The following PITPNM1 variants were observed in gnomAD, a reference collection of about 807,000 sequenced individuals.
PITPNM1 encodes the protein membrane-associated phosphatidylinositol transfer protein 1.
Under a neutral mutation model 133.3 loss-of-function variants are expected in PITPNM1, and 74 were observed. That is an observed-to-expected ratio of 0.56 (90% CI 0.46 to 0.67). PITPNM1 has a LOEUF of 0.67. Among genes scored for constraint, PITPNM1 ranks in the 30% least tolerant of loss-of-function variants. The pLI is 0.00. For missense variants in PITPNM1, 1,398 were observed against 1,739.5 expected (o/e 0.80, Z 3.49); for synonymous variants, 738 against 741.4 (o/e 1.00, Z 0.08).
Position 67,492,986 on chromosome 11 carries a change from C to T in PITPNM1, c.3419G>A (p.Ser1140Asn), listed in dbSNP as rs775339865. 1 of 1,613,018 alleles carries T rather than the reference C, an allele frequency of 6.2e-7. No homozygotes were observed. Among genetic ancestry groups the T allele is most frequent in the African/African-American group, 1.3e-5 (1 of 75,072 alleles). ...GGCACGGCCCACGATGTAGGTCTGG[C>T]TCGGGGACAGCCCCAGCGCCGCGTA... ...AVYAALGLSP[S>N]QTYIVGRAVR... Residue 1140 changes from serine to asparagine, a missense_variant, in exon 23 of 24, where the codon AGC (serine) becomes AAC (asparagine). By Grantham distance (46) the Ser-to-Asn change is conservative (BLOSUM62 1). This residue lies in a region of PITPNM1 where 233 missense variants were observed against 378.0 expected (regional missense o/e 0.62). Coordinates refer to ENST00000356404, the MANE Select transcript of PITPNM1 (RefSeq NM_004910.3).
At chr11:67,493,356 G>A in intron 22 of PITPNM1, 54 bp downstream of exon 22, 1 of 1,477,830 alleles carries the variant, frequency 6.8e-7, no homozygotes, top group Non-Finnish European at 9.1e-7. Flanking sequence ...GGGGTGGAGG[G>A]TAAGGGGGAG....
Position 67,493,999 on chromosome 11 carries a change from G to GA in PITPNM1, c.2930_2931insT (p.Ser978LeufsTer242), listed in dbSNP as rs1565188012. ...GAACTGGGAAGGTGAGGCGGCCCGA[G>GA]CTATTGGTGACTTCGGTGCCAAAGT... is the stretch of plus-strand genomic sequence containing the variant. On this transcript the variant is annotated frameshift_variant, in exon 20 of 24. Coordinates refer to ENST00000356404, the MANE Select transcript of PITPNM1 (RefSeq NM_004910.3). LOFTEE classifies it high-confidence loss of function. 1 of 1,612,194 alleles carries GA rather than the reference G, an allele frequency of 6.2e-7. No individual in the cohort carries two copies.
intron 18 of PITPNM1, 21 bp downstream of exon 18, chr11:67,494,825 G>GA: frequency 2.0e-6 from 3 of 1,537,596 alleles, no homozygotes; most frequent in South Asian, 2.2e-5. Context: ...TGGGCGAGGG[G>GA]GCGAGGGGCA....
intron 2 of PITPNM1, among the ~76,000 whole-genome samples, chr11:67,503,611 G>A (rs554256765): frequency 2.0e-5 from 3 of 152,170 alleles, no homozygotes; most frequent in Non-Finnish European, 2.9e-5. Context: ...CCCAGGCCCC[G>A]CACCAACCCG....
Position 67,497,651 on chromosome 11 carries a change from C to T in PITPNM1, c.1811G>A (p.Gly604Asp). ...ATCTGCCAGGGGGTCCCGCACTGGG[C>T]CAAACTCCGGAGAGAGCAGCTCATT... ...MNNELLSPEFGPVRDPLADGV... is the reference protein window; with the variant it reads ...MNNELLSPEFDPVRDPLADGV... The change falls in exon 13 of 24, where the codon GGC becomes GAC. Residue 604 changes from glycine to aspartate, a missense_variant. Physicochemically the swap from Gly to Asp is moderately conservative, Grantham distance 94. Transcript: ENST00000356404. The T allele has an allele frequency of 6.2e-7, 1 of 1,611,058 alleles. No individual in the cohort carries two copies. Among genetic ancestry groups the T allele is most frequent in the Non-Finnish European group, 8.5e-7 (1 of 1,179,386 alleles).
chr11:67,503,834 C>T (rs899405728), intron 2 of PITPNM1: 6 of 360,284 alleles, frequency 1.7e-5, no homozygotes, highest in African/African-American at 8.5e-5. Context: ...TCATTCTTGC[C>T]GCCTCCTGGG....
Position 67,504,043 on chromosome 11 carries a change from G to T in PITPNM1, c.78+60C>A. ...CAGCCGGTCCCAGCCCCGGGGCAGG[G>T]CTGGCGGGGTCGGCAGGGCTCCACC... On this transcript the variant is annotated intron_variant, in intron 2 of 23. Coordinates refer to ENST00000356404, the MANE Select transcript of PITPNM1 (RefSeq NM_004910.3). The surrounding 1 kb of genome is among the most constrained non-coding windows in gnomAD (Gnocchi z 5.4). 1 of 1,362,588 alleles carries T rather than the reference G, an allele frequency of 7.3e-7. No individual in the cohort carries two copies. The highest frequency in any genetic ancestry group is 1.0e-6 in the Non-Finnish European group (1 of 993,220). The allele number at this position is 1,362,588 out of a possible 1,614,324, so 84.4% of individuals were successfully genotyped here.
chr11:67,492,858 C>T (rs946161681), intron 23 of PITPNM1, 76 bp downstream of exon 23: 49 of 1,526,624 alleles, frequency 3.2e-5, no homozygotes, highest in Admixed American at 5.8e-5. Flanking sequence ...CCCCAGAGTC[C>T]GTGGTTCCCA....
intron 18 of PITPNM1, among the ~76,000 whole-genome samples, 171 bp from the exon 19 acceptor site, chr11:67,494,531 G>A (rs968487284): frequency 3.3e-5 from 5 of 152,158 alleles, no homozygotes; most frequent in Non-Finnish European, 5.9e-5. Context: ...CCCGGCCTGA[G>A]AGCCTGTGTG....
rs1325682749 is a variant in PITPNM1, at chr11:67,504,014, C to T, written c.78+89G>A. 9.9e-7 allele frequency: 1 copy of T among 1,007,640 alleles called. No homozygotes were observed. Among genetic ancestry groups the T allele is most frequent in the Non-Finnish European group, 1.4e-6 (1 of 693,100 alleles). 62.4% of individuals were successfully genotyped at this position (1,007,640 alleles called of 1,614,324 possible). On this transcript the variant is annotated intron_variant, in intron 2 of 23. Transcript: ENST00000356404. The surrounding 1 kb of genome is among the most constrained non-coding windows in gnomAD (Gnocchi z 5.4). ...GGGGGCCTCTCTTGCCTCCTCCGGGCTCCCAGCCGGTCCCAGCCCCGGGGC... is the reference window on the plus strand; with the variant it reads ...GGGGGCCTCTCTTGCCTCCTCCGGGTTCCCAGCCGGTCCCAGCCCCGGGGC...
chr11:67,493,275 G>A (rs7104627), intron 22 of PITPNM1, 135 bp downstream of exon 22: 1,097,314 of 1,109,356 alleles, frequency 0.99, 543,457 homozygotes, highest in East Asian at 1. Context: ...GAGCAGGACC[G>A]TAGCGGGCCG....
intron 5 of PITPNM1, among the ~76,000 whole-genome samples, 172 bp from the exon 6 acceptor site, chr11:67,500,593 T>C (rs1292732860): frequency 6.6e-6 from 1 of 152,112 alleles, no homozygotes; most frequent in Admixed American, 6.5e-5. Context: ...AGTGGGGCAT[T>C]TGTCTTCCTG....
At position 67,502,973 on chromosome 11, in the gene PITPNM1, T is replaced by C. The variant is rs1303305997; in HGVS notation, c.79-255A>G. On this transcript the variant is annotated intron_variant, in intron 2 of 23. Coordinates refer to ENST00000356404, the MANE Select transcript of PITPNM1 (RefSeq NM_004910.3). This position sits in a 1 kb window ranked among gnomAD's most constrained non-coding sequence, Gnocchi z 5.9. ...TGAGTGTCTGCTCCACTCCAGGCAG[T>C]GTTTGGGATTATATCAATTGAGATA... Among the ~76,000 whole-genome samples, 1 of 152,222 alleles carries C rather than the reference T, an allele frequency of 6.6e-6. No homozygotes were observed. Among genetic ancestry groups the C allele is most frequent in the African/African-American group, 2.4e-5 (1 of 41,454 alleles).
At chr11:67,499,101 C>T (rs931496561) in intron 8 of PITPNM1, 100 bp from the exon 9 acceptor site, 1 of 1,133,378 alleles carries the variant, frequency 8.8e-7, no homozygotes, top group Non-Finnish European at 1.2e-6. Flanking sequence ...CCTGAGGCCC[C>T]CAGTCCCTAC....
Position 67,497,696 on chromosome 11 carries a change from A to G in PITPNM1, c.1783-17T>C. 6.2e-7 allele frequency: 1 copy of G among 1,606,884 alleles called. No homozygotes were observed. The highest frequency in any genetic ancestry group is 1.1e-5 in the South Asian group (1 of 90,272). ...CTCATTGTTCTGGATGGAACAGGAG[A>G]CAGAAACATTCTTAGGCCTGGGGAC... is the stretch of plus-strand genomic sequence containing the variant. On this transcript the variant is annotated splice_polypyrimidine_tract_variant and intron_variant, in intron 12 of 23. Transcript: ENST00000356404.
chr11:67,504,170 T>A lies in PITPNM1; in HGVS notation c.11A>T (p.Lys4Met). 1 of 1,607,470 alleles carries A rather than the reference T, an allele frequency of 6.2e-7. No individual in the cohort carries two copies. ...CATGGGCAGCAGAATGTGGTATTCCTTGATGAGCATCCTGAAGGCGCTCGG... is the reference window on the plus strand; with the variant it reads ...CATGGGCAGCAGAATGTGGTATTCCATGATGAGCATCCTGAAGGCGCTCGG... MLI[K>M]EYHILLPMSL... Residue 4 changes from lysine to methionine, a missense_variant, in exon 2 of 24, where the codon AAG (lysine) becomes ATG (methionine). Physicochemically the swap from Lys to Met is moderately conservative, Grantham distance 95. Around this residue, in one of 5 missense-constraint regions of PITPNM1, gnomAD observed 274 missense variants for 360.7 expected, o/e 0.76. Coordinates refer to ENST00000356404, the MANE Select transcript of PITPNM1 (RefSeq NM_004910.3). The surrounding 1 kb of genome is among the most constrained non-coding windows in gnomAD (Gnocchi z 5.4).
intron 2 of PITPNM1, among the ~76,000 whole-genome samples, chr11:67,503,237 G>A (rs896864389): frequency 2.6e-5 from 4 of 152,206 alleles, no homozygotes; most frequent in African/African-American, 9.7e-5. Flanking sequence ...ACTTTAAGGA[G>A]GTGAGGTAGG....
chr11:67,495,430 T>A lies in PITPNM1; in HGVS notation c.2482+8A>T, dbSNP rs1178363176. On this transcript the variant is annotated splice_region_variant and intron_variant, in intron 16 of 23. Transcript: ENST00000356404. Reference sequence around the variant, plus strand: ...CCCAGGCTGGACTGCCTAGGCTGGCTGACTTACTCTTAACCACCTCACTGG... The same window carrying A: ...CCCAGGCTGGACTGCCTAGGCTGGCAGACTTACTCTTAACCACCTCACTGG... The A allele has an allele frequency of 6.7e-7, 1 of 1,495,694 alleles. No individual in the cohort carries two copies. The highest frequency in any genetic ancestry group is 1.3e-5 in the South Asian group (1 of 76,288). 92.7% of individuals were successfully genotyped at this position (1,495,694 alleles called of 1,614,324 possible). A position where few individuals can be genotyped will look rare whatever the true frequency, so the allele number is the denominator to read the frequency against.
In PITPNM1 at chr11:67,498,230, G is replaced by A; in HGVS notation, c.1577C>T (p.Ser526Phe). The part of the protein sequence containing the change: ...AALPLLATSS[S>F]RYQGAVATVI... ...GGTGGCCACGGCGCCCTGGTAGCGG[G>A]AGGATGAGGTGGCCAGCAGTGGCAG... is the stretch of plus-strand genomic sequence containing the variant. The change falls in exon 11 of 24, where the codon TCC becomes TTC. Residue 526 changes from serine (S) to phenylalanine (F), a missense_variant. Ser to Phe is a radical substitution (Grantham distance 155). Coordinates refer to ENST00000356404, the MANE Select transcript of PITPNM1 (RefSeq NM_004910.3). The surrounding 1 kb of genome is among the most constrained non-coding windows in gnomAD (Gnocchi z 5.7). 2 of 1,612,832 alleles carry A rather than the reference G, an allele frequency of 1.2e-6. No homozygotes were observed. Among genetic ancestry groups the A allele is most frequent in the Non-Finnish European group, 8.5e-7 (1 of 1,179,790 alleles).
Sources: gnomAD v4.1 joint callset for allele counts (sites outside exome capture counted in the v4.1 genomes callset) on GRCh38, gnomAD v4.1.1 for gene constraint, gnomAD v4.1.1 regional missense constraint, Gnocchi (gnomAD v3.1) non-coding constraint, MANE v1.5 for transcripts, NCBI Gene and HGNC (gene_info 2026-07-23, HGNC 2026-07-21) for gene names.